The following ANKS1A variants were observed in gnomAD, a reference collection of about 807,000 sequenced individuals.
The protein encoded by ANKS1A is ankyrin repeat and SAM domain-containing protein 1A.
In ANKS1A, 55 loss-of-function variants were observed where a neutral mutation model predicts 120.3. The observed-to-expected ratio is 0.46, with a 90% CI of 0.37 to 0.57. The LOEUF (loss-of-function observed/expected upper bound fraction) is 0.57. Ranked by LOEUF, ANKS1A falls within the 20% of genes least tolerant of loss-of-function variation. ANKS1A has a pLI of 0.00. For synonymous variants in ANKS1A, 590 were observed against 604.7 expected (o/e 0.98, Z 0.36); for missense variants, 1,123 against 1,480.3 (o/e 0.76, Z 3.96).
chr6:35,002,430 C>T (rs7753608), intron 10 of ANKS1A, among the ~76,000 whole-genome samples: 1 of 152,106 alleles, frequency 6.6e-6, no homozygotes. Context: ...AAAATTTGGA[C>T]TTATACAGTA....
chr6:35,070,484 C>CTTTTTTTTTTTTTTTTTTTTTTTTTT (rs869249276), intron 13 of ANKS1A, among the ~76,000 whole-genome samples: 1 of 62,970 alleles, frequency 1.6e-5, no homozygotes, highest in African/African-American at 6.1e-5. Context: ...AAGCCTTTAT[C>CTTTTTTTTTTTTTTTTTTTTTTTTTT]TTTTTTTTTT....
chr6:35,053,917 G>A (rs972519891), intron 11 of ANKS1A, among the ~76,000 whole-genome samples, 182 bp from the exon 12 acceptor site: 12 of 152,190 alleles, frequency 7.9e-5, no homozygotes, highest in Non-Finnish European at 1.3e-4. Flanking sequence ...CCTGTGGGCT[G>A]GGGCCAGAGA....
chr6:35,049,616 A>G (rs560397988), intron 11 of ANKS1A, among the ~76,000 whole-genome samples: 1 of 152,278 alleles, frequency 6.6e-6, no homozygotes, highest in African/African-American at 2.4e-5. Flanking sequence ...TAGGGCACCA[A>G]CAGCTCCCAG....
At chr6:35,018,526 T>C (rs1458190631) in intron 11 of ANKS1A, among the ~76,000 whole-genome samples, 3 of 151,980 alleles carry the variant, frequency 2.0e-5, no homozygotes, top group Admixed American at 2.0e-4. Context: ...GGGGCTTTTC[T>C]TTTTTATATA....
chr6:34,994,470 A>G, intron 10 of ANKS1A, 48 bp downstream of exon 10: 1 of 1,595,030 alleles, frequency 6.3e-7, no homozygotes, highest in Non-Finnish European at 8.6e-7. Flanking sequence ...AGGGATTTTT[A>G]AAGTTTGTGA....
chr6:34,913,843 C>T (rs925119243), intron 1 of ANKS1A, among the ~76,000 whole-genome samples: 5 of 151,854 alleles, frequency 3.3e-5, no homozygotes, highest in African/African-American at 1.2e-4. Context: ...ATGTTGGCCA[C>T]ACTGGAAGTG....
intron 3 of ANKS1A, among the ~76,000 whole-genome samples, chr6:34,973,979 C>T (rs1354296276): frequency 1.0e-5 from 1 of 96,208 alleles, no homozygotes; most frequent in East Asian, 4.0e-4. Context: ...TCCCCTTCCC[C>T]TTCCCCTTCC....
At chr6:34,987,730 A>G (rs1488286653) in intron 8 of ANKS1A, among the ~76,000 whole-genome samples, 1 of 152,242 alleles carries the variant, frequency 6.6e-6, no homozygotes, top group Non-Finnish European at 1.5e-5. Context: ...TGGATGCCAA[A>G]ATGCTAATGC....
At chr6:34,931,001 T>A (rs1768953060) in intron 1 of ANKS1A, among the ~76,000 whole-genome samples, 1 of 151,248 alleles carries the variant, frequency 6.6e-6, no homozygotes, top group Non-Finnish European at 1.5e-5. Context: ...CTCAGCCTCC[T>A]GAGTAGGTGG....
chr6:34,963,059 G>T (rs1286592487), intron 1 of ANKS1A, among the ~76,000 whole-genome samples: 2 of 151,282 alleles, frequency 1.3e-5, no homozygotes, highest in African/African-American at 4.9e-5. Context: ...GCGGGGTTTC[G>T]CCTTGTTGGC....
chr6:35,046,809 A>T (rs1326751938), intron 11 of ANKS1A, among the ~76,000 whole-genome samples: 2 of 152,200 alleles, frequency 1.3e-5, no homozygotes, highest in East Asian at 3.8e-4. Flanking sequence ...TAAGTCTGTT[A>T]TTCCATGAGT....
At chr6:34,908,818 C>G (rs936768152) in intron 1 of ANKS1A, among the ~76,000 whole-genome samples, 1 of 151,878 alleles carries the variant, frequency 6.6e-6, no homozygotes, top group African/African-American at 2.4e-5. Flanking sequence ...TGCAGACATG[C>G]TTTTTGACTT....
At chr6:34,981,007 A>G (rs1054857681) in intron 3 of ANKS1A, among the ~76,000 whole-genome samples, 33 of 152,264 alleles carry the variant, frequency 2.2e-4, no homozygotes, top group African/African-American at 7.9e-4. Context: ...GCTGGCTGCC[A>G]TTTTAATGAA....
chr6:35,083,253 C>T (rs369131807), intron 19 of ANKS1A, 27 bp downstream of exon 19: 80 of 1,613,328 alleles, frequency 5.0e-5, no homozygotes, highest in African/African-American at 2.7e-4. Flanking sequence ...GGCTGGAGGG[C>T]GCTGTGGGAC....
intron 1 of ANKS1A, among the ~76,000 whole-genome samples, chr6:34,921,775 G>A (rs533871599): frequency 1.2e-3 from 188 of 152,310 alleles, no homozygotes; most frequent in African/African-American, 4.4e-3. Flanking sequence ...GTAGCTTACT[G>A]CAGCCTCGAA....
chr6:35,041,161 T>C (rs184991256), intron 11 of ANKS1A, among the ~76,000 whole-genome samples: 89 of 152,296 alleles, frequency 5.8e-4, no homozygotes, highest in African/African-American at 1.9e-3. Flanking sequence ...AACTAGCTCT[T>C]TCCTTGGCTC....
At chr6:35,097,644 A>C in the ANKS1A span, among the ~76,000 whole-genome samples, 8 of 146,448 alleles carry the variant, frequency 5.5e-5, no homozygotes, top group Non-Finnish European at 1.2e-4. Context: ...AAAGAAAAAA[A>C]AAAAAAAAAA....
At position 34,995,394 on chromosome 6, in the gene ANKS1A, T is replaced by C. The variant is rs1482584052; in HGVS notation, c.1423+972T>C. 3.9e-5 allele frequency among the ~76,000 whole-genome samples: 6 copies of C among 152,222 alleles called. No homozygotes were observed. In the South Asian group the frequency reaches 1.2e-3, roughly 32 times the overall value. ...TTTTTTTTTGTTTTGTTTTGTATTT[T>C]ATGGTTTCCATTCGGAGCTTTTTAA... On this transcript the variant is annotated intron_variant, in intron 10 of 23. Coordinates refer to ENST00000360359, the MANE Select transcript of ANKS1A (RefSeq NM_015245.3).
intron 8 of ANKS1A, 24 bp downstream of exon 8, chr6:34,985,302 T>A: frequency 6.2e-7 from 1 of 1,605,156 alleles, no homozygotes; most frequent in East Asian, 2.2e-5. Context: ...GGCTTACACC[T>A]CCTGGGGGCT....
Sources: allele counts gnomAD v4.1 joint callset (sites outside exome capture counted in the v4.1 genomes callset), GRCh38; gene constraint gnomAD v4.1.1; transcripts MANE v1.5; gene names NCBI Gene and HGNC (gene_info 2026-07-23, HGNC 2026-07-21).